Variants in PAK6 observed in about 807,000 individuals in gnomAD.
PAK6 encodes serine/threonine-protein kinase PAK 6.
In PAK6, 33 loss-of-function variants were observed where a neutral mutation model predicts 60.8. That is an observed-to-expected ratio of 0.54 (90% CI 0.41 to 0.73). The LOEUF (loss-of-function observed/expected upper bound fraction) is 0.73, where lower values mean the gene tolerates loss of function less well. Ranked by LOEUF, PAK6 falls within the 30% of genes least tolerant of loss-of-function variation. The probability of loss-of-function intolerance (pLI) is 0.00; values close to 1 mark genes in which losing one functional copy is unlikely to be tolerated. For missense variants in PAK6, 845 were observed against 904.1 expected (o/e 0.93, Z 0.84); for synonymous variants, 404 against 378.5 (o/e 1.07, Z -0.78).
chr15:40,252,681 C>G, intron 2 of PAK6: 1 of 1,311,172 alleles, frequency 7.6e-7, no homozygotes, highest in Non-Finnish European at 1.0e-6. Context: ...CCTGGGCTTC[C>G]CGCTCCGCAG....
intron 2 of PAK6, chr15:40,252,922 G>A: frequency 7.3e-6 from 8 of 1,095,064 alleles, no homozygotes; most frequent in Non-Finnish European, 8.0e-6. Context: ...AGTGGGGCCT[G>A]CGAGCTGGGG....
chr15:40,255,128 G>C (rs777410775), intron 3 of PAK6, among the ~76,000 whole-genome samples: 1 of 152,184 alleles, frequency 6.6e-6, no homozygotes. Context: ...GCTTAGCATA[G>C]GGTCCTAGCT....
chr15:40,267,843 G>A (rs985291910), intron 5 of PAK6, among the ~76,000 whole-genome samples: 7 of 152,188 alleles, frequency 4.6e-5, no homozygotes, highest in African/African-American at 1.2e-4. Context: ...GAAAACCAAC[G>A]TAAGATCAGG....
In PAK6 at chr15:40,276,065, C is replaced by T. The variant is rs749904424; in HGVS notation, c.2017C>T (p.Leu673Phe). 8.1e-6 allele frequency: 13 copies of T among 1,613,766 alleles called. No homozygotes were observed. The South Asian group carries it at 1.2e-4, about 15-fold the overall frequency. The stretch of plus-strand genomic sequence containing the variant: ...TGAGTGCCTGGTGCCCCTGATCCAG[C>T]TCTACCGAAAGCAGACCTCCACCTG... Residue 673 changes from leucine to phenylalanine, a missense_variant, in exon 11 of 11, where the codon CTC becomes TTC. By Grantham distance (22) the Leu-to-Phe change is conservative. Transcript: ENST00000560346.
chr15:40,268,736 G>T (rs1218658268), intron 5 of PAK6, among the ~76,000 whole-genome samples: 3 of 152,228 alleles, frequency 2.0e-5, no homozygotes, highest in African/African-American at 7.2e-5. Context: ...GGGCGTGGGG[G>T]CACAGAGACC....
At chr15:40,273,353 G>A (rs1293198742) in exon 8 of PAK6, 27 of 1,613,632 alleles carry the variant, frequency 1.7e-5, no homozygotes, top group Non-Finnish European at 2.3e-5. Context: ...CAGGCTGAAT[G>A]AGGAGCAGAT....
rs531155012 is a variant in PAK6, at chr15:40,271,692, G to T, written c.859-532G>T. Among the ~76,000 whole-genome samples, 14 of 152,230 alleles carry T rather than the reference G, an allele frequency of 9.2e-5. No individual in the cohort carries two copies. The South Asian group carries it at 2.9e-3, about 32-fold the overall frequency. On this transcript the variant is annotated intron_variant, in intron 5 of 10. Coordinates refer to ENST00000560346, the Ensembl canonical transcript of PAK6. ...CTGCAGGCACAGGCAGGGCTATCGG[G>T]CCCCAGGTGTGGCTCCCCTGCCTTG...
intron 6 of PAK6, 22 bp downstream of exon 6, chr15:40,272,743 C>CAG: frequency 6.3e-7 from 1 of 1,578,038 alleles, no homozygotes; most frequent in Non-Finnish European, 8.6e-7. Flanking sequence ...GGGTGGGACA[C>CAG]AGACGGGGGC....
At chr15:40,243,651 G>C (rs1165263769) in intron 2 of PAK6, among the ~76,000 whole-genome samples, 1 of 152,218 alleles carries the variant, frequency 6.6e-6, no homozygotes, top group Non-Finnish European at 1.5e-5. Context: ...ACCCTCCTCT[G>C]AGGAGAAACA....
chr15:40,269,547 G>A (rs992016793), intron 5 of PAK6, among the ~76,000 whole-genome samples: 2 of 152,174 alleles, frequency 1.3e-5, no homozygotes, highest in African/African-American at 2.4e-5. Context: ...TTCTGTTGTC[G>A]TGTCCCCCTT....
At position 40,272,686 on chromosome 15, in the gene PAK6, A is replaced by AG. The variant is rs1417361000; in HGVS notation, c.1323dup (p.Lys442GlufsTer59). On this transcript the variant is annotated frameshift_variant, in exon 6 of 11. Coordinates refer to ENST00000560346, the Ensembl canonical transcript of PAK6. LOFTEE classifies it high-confidence loss of function. ...GGTGGCCGTCAAGATGATGGACCTC[A>AG]GGAAGCAGCAGCGCAGGGAGCTGCT... The AG allele has an allele frequency of 1.9e-6, 3 of 1,600,732 alleles. No homozygotes were observed. The South Asian group carries it at 3.3e-5, about 18-fold the overall frequency.
intron 3 of PAK6, among the ~76,000 whole-genome samples, chr15:40,262,399 G>A (rs1046925782): frequency 1.3e-5 from 2 of 152,092 alleles, no homozygotes; most frequent in African/African-American, 4.8e-5. Flanking sequence ...AGCTATTCAG[G>A]AGGCTGAGGC....
intron 3 of PAK6, among the ~76,000 whole-genome samples, chr15:40,261,557 T>C (rs2038987062): frequency 6.6e-6 from 1 of 152,036 alleles, no homozygotes; most frequent in South Asian, 2.1e-4. Flanking sequence ...TATATATATA[T>C]TGACCTTGAA....
At chr15:40,264,330 T>C (rs1163044180) in intron 3 of PAK6, 1 of 390,480 alleles carries the variant, frequency 2.6e-6, no homozygotes, top group Non-Finnish European at 5.1e-6. Flanking sequence ...AGTCAAATTT[T>C]CCTTTTCTTG....
chr15:40,274,405 C>T (rs2039392709), intron 10 of PAK6, 129 bp downstream of exon 10: 1 of 1,008,230 alleles, frequency 9.9e-7, no homozygotes, highest in Non-Finnish European at 1.4e-6. Flanking sequence ...AAAGGCTCCT[C>T]TTTCCCCACA....
At chr15:40,265,880 C>T (rs1226746897) in exon 5 of PAK6, 3 of 1,559,908 alleles carry the variant, frequency 1.9e-6, no homozygotes, top group Middle Eastern at 1.7e-4. Context: ...TGGATGGCTA[C>T]ATCTCGGGGC....
At chr15:40,271,673 G>A (rs2039305619) in intron 5 of PAK6, among the ~76,000 whole-genome samples, 1 of 152,166 alleles carries the variant, frequency 6.6e-6, no homozygotes, top group South Asian at 2.1e-4. Context: ...CCTGCTGCAG[G>A]CACAGGCAGG....
exon 4 of PAK6, chr15:40,264,845 C>T: frequency 6.2e-7 from 1 of 1,614,042 alleles, no homozygotes; most frequent in South Asian, 1.1e-5. Context: ...ACTTCCAGCA[C>T]CGTGTCCACA....
chr15:40,273,369 C>G (rs1417694483), exon 8 of PAK6: 14 of 1,613,956 alleles, frequency 8.7e-6, no homozygotes, highest in Non-Finnish European at 1.1e-5. Flanking sequence ...CAGATTGCCA[C>G]TGTGTGTGAG....
Sources: allele counts gnomAD v4.1 joint callset (sites outside exome capture counted in the v4.1 genomes callset), GRCh38; gene constraint gnomAD v4.1.1; transcripts MANE v1.5; gene names NCBI Gene and HGNC (gene_info 2026-07-23, HGNC 2026-07-21).